Variants in NKAIN2 observed in about 807,000 individuals in gnomAD.
NKAIN2 encodes sodium/potassium transporting ATPase interacting 2.
In NKAIN2, 14 loss-of-function variants were observed where a neutral mutation model predicts 32.6. The ratio of observed to expected loss-of-function variants is 0.43; its 90% CI spans 0.28 to 0.67. The LOEUF (loss-of-function observed/expected upper bound fraction) is 0.67. Ranked by LOEUF, NKAIN2 falls within the 30% of genes least tolerant of loss-of-function variation. The pLI, the probability that NKAIN2 is intolerant of heterozygous loss-of-function variation, is 0.17. For synonymous variants in NKAIN2, 80 were observed against 87.2 expected (o/e 0.92, Z 0.46); for missense variants, 198 against 258.3 (o/e 0.77, Z 1.60).
At chr6:123,908,192 G>T (rs545214874) in intron 1 of NKAIN2, among the ~76,000 whole-genome samples, 1 of 152,004 alleles carries the variant, frequency 6.6e-6, no homozygotes, top group Non-Finnish European at 1.5e-5. Context: ...AAAATATCTT[G>T]CAAGAGATCT....
At chr6:124,344,638 G>C (rs1798310822) in intron 2 of NKAIN2, among the ~76,000 whole-genome samples, 1 of 152,020 alleles carries the variant, frequency 6.6e-6, no homozygotes, top group Non-Finnish European at 1.5e-5. Flanking sequence ...CTGTTTGTCT[G>C]TTATTGGTGT....
chr6:124,309,991 G>T (rs955160270), intron 2 of NKAIN2, among the ~76,000 whole-genome samples: 1 of 151,966 alleles, frequency 6.6e-6, no homozygotes, highest in Non-Finnish European at 1.5e-5. Context: ...ACTTAGTTCA[G>T]CTTATTTCCA....
chr6:124,742,764 T>C (rs912033139), intron 4 of NKAIN2, among the ~76,000 whole-genome samples: 4 of 151,902 alleles, frequency 2.6e-5, no homozygotes, highest in Admixed American at 6.6e-5. Context: ...TTTCACTCCC[T>C]GCCATCACGC....
chr6:124,459,591 G>A, intron 3 of NKAIN2, among the ~76,000 whole-genome samples: 1 of 151,810 alleles, frequency 6.6e-6, no homozygotes, highest in Non-Finnish European at 1.5e-5. Flanking sequence ...AACAGGTATT[G>A]CTCTGTAAGT....
At chr6:124,150,040 TC>T (rs377344984) in intron 1 of NKAIN2, among the ~76,000 whole-genome samples, 648 of 152,026 alleles carry the variant, frequency 4.3e-3, no homozygotes, top group African/African-American at 0.015. Flanking sequence ...TAAAATAAAT[TC>T]CCCCACCCTC....
intron 1 of NKAIN2, among the ~76,000 whole-genome samples, chr6:123,883,647 A>G (rs1411860748): frequency 8.8e-6 from 1 of 113,358 alleles, no homozygotes; most frequent in Non-Finnish European, 1.9e-5. Flanking sequence ...TTTTTAAAAA[A>G]AAATTTTTTT....
At chr6:124,708,939 A>G (rs975540585) in intron 4 of NKAIN2, among the ~76,000 whole-genome samples, 2 of 148,440 alleles carry the variant, frequency 1.3e-5, no homozygotes, top group African/African-American at 5.1e-5. Flanking sequence ...GAATGCTTCC[A>G]GTTTCTGCCC....
chr6:124,685,598 A>C (rs1196653532), intron 4 of NKAIN2, among the ~76,000 whole-genome samples: 1 of 152,192 alleles, frequency 6.6e-6, no homozygotes, highest in Non-Finnish European at 1.5e-5. Flanking sequence ...TGCACAATGA[A>C]AAAAATTCTA....
intron 1 of NKAIN2, among the ~76,000 whole-genome samples, chr6:123,833,115 A>C (rs775964109): frequency 3.9e-5 from 6 of 151,954 alleles, no homozygotes; most frequent in Non-Finnish European, 7.4e-5. Context: ...TTTTGTGTTG[A>C]TTTTGTGAAA....
At chr6:124,310,270 A>G (rs1383882828) in intron 2 of NKAIN2, among the ~76,000 whole-genome samples, 1 of 151,938 alleles carries the variant, frequency 6.6e-6, no homozygotes, top group Admixed American at 6.6e-5. Flanking sequence ...TTGTAATTTT[A>G]TTTTTATTAT....
chr6:124,168,370 G>C (rs562907737), intron 1 of NKAIN2, among the ~76,000 whole-genome samples: 1 of 152,068 alleles, frequency 6.6e-6, no homozygotes, highest in South Asian at 2.1e-4. Flanking sequence ...ATTTAATGAT[G>C]GTTCAGAATT....
At chr6:124,301,886 G>A (rs1796305636) in intron 2 of NKAIN2, among the ~76,000 whole-genome samples, 1 of 152,158 alleles carries the variant, frequency 6.6e-6, no homozygotes, top group Non-Finnish European at 1.5e-5. Context: ...TTTGGACTGT[G>A]GACTTTTGAG....
chr6:124,318,825 A>G (rs1797063014), intron 2 of NKAIN2, among the ~76,000 whole-genome samples: 1 of 152,046 alleles, frequency 6.6e-6, no homozygotes, highest in Non-Finnish European at 1.5e-5. Flanking sequence ...AAGGCCAACC[A>G]TTGCCTCTCA....
At chr6:124,577,910 C>T (rs1415166547) in intron 3 of NKAIN2, among the ~76,000 whole-genome samples, 4 of 152,108 alleles carry the variant, frequency 2.6e-5, no homozygotes, top group African/African-American at 4.8e-5. Context: ...TCCTGAGGCC[C>T]GCATTCCAGG....
chr6:124,235,884 A>C (rs1407625736), intron 1 of NKAIN2, among the ~76,000 whole-genome samples: 1 of 152,080 alleles, frequency 6.6e-6, no homozygotes, highest in Non-Finnish European at 1.5e-5. Flanking sequence ...TGAGTGAGCC[A>C]CTGCACCTGG....
chr6:124,214,372 T>C lies in NKAIN2; in HGVS notation c.55-68633T>C, dbSNP rs191174003. ...TATACTTGCATTTTAATAAAATTTA[T>C]TTGGAAGGAATTATGTATACTTTGA... is the stretch of plus-strand genomic sequence containing the variant. On this transcript the variant is annotated intron_variant, in intron 1 of 6. Transcript: ENST00000368417. 1.1e-3 allele frequency among the ~76,000 whole-genome samples: 160 copies of C among 152,280 alleles called. 1 individual carries two copies. Among genetic ancestry groups the C allele is most frequent in the Admixed American group, 9.0e-3 (138 of 15,290 alleles).
intron 1 of NKAIN2, among the ~76,000 whole-genome samples, chr6:124,241,808 T>A (rs57512596): frequency 0.03 from 4,371 of 147,882 alleles, 168 homozygotes; most frequent in African/African-American, 0.098. Flanking sequence ...TTTAATATAT[T>A]TTTTTTAAAA....
In NKAIN2 at chr6:124,109,557, G is replaced by A. The variant is rs545548923; in HGVS notation, c.55-173448G>A. Among the ~76,000 whole-genome samples the A allele has an allele frequency of 2.6e-5, 4 of 152,050 alleles. No homozygotes were observed. In the East Asian group the frequency reaches 7.7e-4, roughly 29 times the overall value. The stretch of plus-strand genomic sequence containing the variant: ...TACATATATACGATCATGTAAGATG[G>A]AGTCGGAATATTTTAGTTCTTTCTG... On this transcript the variant is annotated intron_variant, in intron 1 of 6. Coordinates refer to ENST00000368417, the MANE Select transcript of NKAIN2 (RefSeq NM_001040214.3).
chr6:124,372,157 C>T (rs1411614739), intron 3 of NKAIN2, among the ~76,000 whole-genome samples: 7 of 152,046 alleles, frequency 4.6e-5, no homozygotes. Context: ...AAATACCATA[C>T]ATGTTTATAC....
Sources: gnomAD v4.1 joint callset for allele counts (sites outside exome capture counted in the v4.1 genomes callset) on GRCh38, gnomAD v4.1.1 for gene constraint, MANE v1.5 for transcripts, NCBI Gene and HGNC (gene_info 2026-07-23, HGNC 2026-07-21) for gene names.